The following GNAQ variants were observed in gnomAD, a reference collection of about 807,000 sequenced individuals.
GNAQ encodes the protein guanine nucleotide-binding protein G(q) subunit alpha.
GNAQ carries 8 observed loss-of-function variants against 43.9 expected under a neutral mutation model. The observed-to-expected ratio is 0.18, with a 90% CI of 0.11 to 0.33. The LOEUF (loss-of-function observed/expected upper bound fraction) is 0.33. GNAQ is among the 10% of genes least tolerant of loss of function. The pLI, the probability that GNAQ is intolerant of heterozygous loss-of-function variation, is 1.00. For synonymous variants in GNAQ, 155 were observed against 170.7 expected, an observed-to-expected ratio of 0.91 and a Z score of 0.71; for missense variants, 158 against 450.8, an observed-to-expected ratio of 0.35 and a Z score of 5.88.
At chr9:77,983,879 C>T (rs143234109) in intron 1 of GNAQ, among the ~76,000 whole-genome samples, 2 of 151,582 alleles carry the variant, frequency 1.3e-5, no homozygotes, top group East Asian at 3.9e-4. Context: ...GAAGTCCACT[C>T]CAAGAGACAG....
intron 5 of GNAQ, among the ~76,000 whole-genome samples, chr9:77,762,905 C>T (rs1345434834): frequency 2.6e-5 from 4 of 151,948 alleles, no homozygotes; most frequent in African/African-American, 7.2e-5. Context: ...AGGCAGCATG[C>T]TCGTTAAGAG....
chr9:77,739,695 T>C (rs562102601), intron 5 of GNAQ, among the ~76,000 whole-genome samples: 13 of 152,322 alleles, frequency 8.5e-5, no homozygotes, highest in African/African-American at 3.1e-4. Context: ...CATCCTGAAA[T>C]AGCATTTTGC....
At chr9:78,006,322 A>C (rs1823705644) in intron 1 of GNAQ, among the ~76,000 whole-genome samples, 1 of 152,226 alleles carries the variant, frequency 6.6e-6, no homozygotes, top group South Asian at 2.1e-4. Context: ...ATAAAAAAGA[A>C]GTATACTGCC....
intron 3 of GNAQ, among the ~76,000 whole-genome samples, chr9:77,805,435 C>T (rs373493400): frequency 4.0e-5 from 6 of 151,548 alleles, no homozygotes; most frequent in Admixed American, 6.6e-5. Flanking sequence ...GATGGAGTCT[C>T]GCTCTGTCGC....
intron 2 of GNAQ, among the ~76,000 whole-genome samples, chr9:77,882,822 CTA>C (rs373071205): frequency 2.4e-4 from 37 of 152,056 alleles, no homozygotes; most frequent in African/African-American, 8.4e-4. Context: ...TTGTAATAAA[CTA>C]TTTTTAAAGT....
chr9:77,877,254 A>C (rs1202666447), intron 2 of GNAQ, among the ~76,000 whole-genome samples: 1 of 152,208 alleles, frequency 6.6e-6, no homozygotes, highest in Admixed American at 6.5e-5. Flanking sequence ...ATTTGTTTAT[A>C]ATCCCTATTC....
chr9:77,984,048 G>GAAAAAAAAAAAA (rs1564170418), intron 1 of GNAQ, among the ~76,000 whole-genome samples: 2 of 24,708 alleles, frequency 8.1e-5, no homozygotes, highest in African/African-American at 4.1e-4. Context: ...ATTTTGGAGA[G>GAAAAAAAAAAAA]CAAAAAAAAA....
chr9:77,853,641 AAAAT>A (rs1351752285), intron 2 of GNAQ, among the ~76,000 whole-genome samples: 1 of 152,082 alleles, frequency 6.6e-6, no homozygotes, highest in Non-Finnish European at 1.5e-5. Context: ...GGCAGTGTGA[AAAAT>A]AAACCTACAA....
At position 77,927,635 on chromosome 9, in the gene GNAQ, G is replaced by T. The variant is rs75668118; in HGVS notation, c.137-5290C>A. Among the ~76,000 whole-genome samples the T allele has an allele frequency of 4.9e-3, 746 of 152,104 alleles. 8 individuals carry two copies. The highest frequency in any genetic ancestry group is 0.017 in the African/African-American group (719 of 41,514). Reference sequence around the variant, plus strand: ...TTACCAGGGCCTCTCACAGACTGAGGGAAGCCCATACCACTTCTACTTTTT... The same window carrying T: ...TTACCAGGGCCTCTCACAGACTGAGTGAAGCCCATACCACTTCTACTTTTT... On this transcript the variant is annotated intron_variant, in intron 1 of 6. Transcript: ENST00000286548.
intron 1 of GNAQ, among the ~76,000 whole-genome samples, chr9:78,014,546 C>T (rs1437587338): frequency 6.6e-6 from 1 of 152,096 alleles, no homozygotes; most frequent in Non-Finnish European, 1.5e-5. Flanking sequence ...GCAGAGGTTG[C>T]TGTGAGCCGA....
chr9:77,813,177 C>A (rs1826955008), intron 3 of GNAQ, among the ~76,000 whole-genome samples: 2 of 152,158 alleles, frequency 1.3e-5, no homozygotes, highest in South Asian at 2.1e-4. Context: ...CTCAGCCTCC[C>A]AAAGTGCTGG....
In GNAQ at chr9:78,014,015, T is replaced by C. The variant is rs141414119; in HGVS notation, c.136+17085A>G. ...AATACCATTTGATCTCTGAAGATGA[T>C]AAACTGAGAAACATAAATTGAATAT... On this transcript the variant is annotated intron_variant, in intron 1 of 6. Transcript: ENST00000286548. Among the ~76,000 whole-genome samples the C allele has an allele frequency of 7.3e-3, 1,109 of 152,206 alleles. 14 individuals carry two copies. The highest frequency in any genetic ancestry group is 0.024 in the African/African-American group (1,008 of 41,518).
intron 1 of GNAQ, among the ~76,000 whole-genome samples, chr9:77,931,967 C>A (rs1481876567): frequency 6.6e-6 from 1 of 152,090 alleles, no homozygotes; most frequent in East Asian, 1.9e-4. Flanking sequence ...GGTGGGGGGA[C>A]AACAAAACCT....
At chr9:78,030,704 C>G (rs1824041423) in intron 1 of GNAQ, 1 of 376,482 alleles carries the variant, frequency 2.7e-6, no homozygotes, top group Non-Finnish European at 5.5e-6. Flanking sequence ...CATGGGGTGC[C>G]GCGGCCACGA....
chr9:77,832,067 C>T (rs1018071571), intron 2 of GNAQ, among the ~76,000 whole-genome samples: 1 of 149,490 alleles, frequency 6.7e-6, no homozygotes, highest in Admixed American at 6.9e-5. Flanking sequence ...TCAAAGACAT[C>T]CTTTGGAGAG....
rs113311909 is a variant in GNAQ at position 77,833,416 on chromosome 9, G to A, written c.322-17646C>T. Among the ~76,000 whole-genome samples the A allele has an allele frequency of 5.8e-3, 888 of 152,330 alleles. 1 individual carries two copies. The highest frequency in any genetic ancestry group is 0.02 in the African/African-American group (834 of 41,574). On this transcript the variant is annotated intron_variant, in intron 2 of 6. Coordinates refer to ENST00000286548, the MANE Select transcript of GNAQ (RefSeq NM_002072.5). ...TTTCAGGTACCAGTGTGGCTCCAAA[G>A]TACAAAGTAAGCAACTGGTAAGTTG...
intron 1 of GNAQ, among the ~76,000 whole-genome samples, chr9:77,949,218 C>T (rs563010925): frequency 7.2e-4 from 110 of 152,338 alleles, no homozygotes; most frequent in Non-Finnish European, 2.4e-4. Flanking sequence ...TGTAGAGCAA[C>T]AGCCACACAC....
chr9:77,794,692 T>A (rs1338859943), intron 4 of GNAQ, 100 bp from the exon 5 acceptor site: 1 of 601,030 alleles, frequency 1.7e-6, no homozygotes. Context: ...AATATTCTCT[T>A]GAATGACGAT....
At chr9:77,810,630 T>G (rs1826904466) in intron 3 of GNAQ, among the ~76,000 whole-genome samples, 2 of 152,182 alleles carry the variant, frequency 1.3e-5, no homozygotes, top group Non-Finnish European at 2.9e-5. Flanking sequence ...GCTCTAAAGC[T>G]TCATAATATT....
Sources: allele counts gnomAD v4.1 joint callset (sites outside exome capture counted in the v4.1 genomes callset), GRCh38; gene constraint gnomAD v4.1.1; transcripts MANE v1.5; gene names NCBI Gene and HGNC (gene_info 2026-07-23, HGNC 2026-07-21).